DOCK8: variants seen among roughly 807,000 people sequenced by gnomAD.
The protein encoded by DOCK8 is dedicator of cytokinesis protein 8.
Under a neutral mutation model 245.6 loss-of-function variants are expected in DOCK8, and 141 were observed. That is an observed-to-expected ratio of 0.57 (90% CI 0.50 to 0.66). DOCK8 has a LOEUF of 0.66. Among genes scored for constraint, DOCK8 ranks in the 30% least tolerant of loss-of-function variants. DOCK8 has a pLI of 0.00. For missense variants in DOCK8, 2,965 were observed against 2,603.4 expected, an observed-to-expected ratio of 1.14 and a Z score of -3.02; for synonymous variants, 1,168 against 970.2, an observed-to-expected ratio of 1.20 and a Z score of -3.79.
At chr9:229,410 C>T (rs1393828522) in intron 1 of DOCK8, among the ~76,000 whole-genome samples, 1 of 152,146 alleles carries the variant, frequency 6.6e-6, no homozygotes, top group Non-Finnish European at 1.5e-5. Flanking sequence ...ATAGTCCTGC[C>T]TGGAGGCAGG....
chr9:269,465 C>G (rs1009467941), intron 1 of DOCK8, among the ~76,000 whole-genome samples: 2 of 151,178 alleles, frequency 1.3e-5, no homozygotes, highest in Non-Finnish European at 2.9e-5. Flanking sequence ...AGTTGATGGA[C>G]GTTTGGATTT....
intron 1 of DOCK8, among the ~76,000 whole-genome samples, chr9:228,344 A>G (rs1417025351): frequency 6.6e-6 from 1 of 152,194 alleles, no homozygotes; most frequent in Non-Finnish European, 1.5e-5. Context: ...ACCAGCATTA[A>G]GACTTCTAAC....
At chr9:221,856 G>A (rs1192853372) in intron 1 of DOCK8, among the ~76,000 whole-genome samples, 1 of 151,522 alleles carries the variant, frequency 6.6e-6, no homozygotes, top group East Asian at 1.9e-4. Context: ...AACTCTGCAT[G>A]TAAATCAATA....
At position 368,294 on chromosome 9, in the gene DOCK8, A is replaced by C. The variant is rs574040512; in HGVS notation, c.1797+159A>C. 192 of 772,778 alleles carry C rather than the reference A, an allele frequency of 2.5e-4. No homozygotes were observed. The African/African-American group carries it at 3.0e-3, about 12-fold the overall frequency. 47.9% of individuals were successfully genotyped at this position (772,778 alleles called of 1,614,324 possible). A position where few individuals can be genotyped will look rare whatever the true frequency, so the allele number is the denominator to read the frequency against. ...TTCTGTGCCCAGGATATCAGTGGGG[A>C]AACAGGGTCAGTCTTACTTGACGAT... is the stretch of plus-strand genomic sequence containing the variant. On this transcript the variant is annotated intron_variant, in intron 15 of 47. Coordinates refer to ENST00000432829, the MANE Select transcript of DOCK8 (RefSeq NM_203447.4).
At chr9:403,973 T>G (rs1300028807) in intron 26 of DOCK8, among the ~76,000 whole-genome samples, 1 of 91,902 alleles carries the variant, frequency 1.1e-5, no homozygotes, top group African/African-American at 6.7e-5. Flanking sequence ...TATATATATA[T>G]ATGTGTATAT....
intron 18 of DOCK8, among the ~76,000 whole-genome samples, chr9:373,044 G>A (rs1243823436): frequency 6.6e-6 from 1 of 152,198 alleles, no homozygotes; most frequent in Non-Finnish European, 1.5e-5. Context: ...GCGGGTGCCT[G>A]TAATCCCAGC....
intron 1 of DOCK8, among the ~76,000 whole-genome samples, chr9:230,346 T>G: frequency 6.6e-6 from 1 of 152,166 alleles, no homozygotes; most frequent in Non-Finnish European, 1.5e-5. Flanking sequence ...TTGTGAATAG[T>G]GCTGCTATAA....
intron 1 of DOCK8, among the ~76,000 whole-genome samples, chr9:219,065 G>T (rs2046826986): frequency 6.6e-6 from 1 of 152,146 alleles, no homozygotes; most frequent in Non-Finnish European, 1.5e-5. Flanking sequence ...ATACCATGCT[G>T]CCATCTCAGT....
intron 9 of DOCK8, among the ~76,000 whole-genome samples, chr9:330,930 T>G (rs1159932709): frequency 6.6e-6 from 1 of 152,182 alleles, no homozygotes; most frequent in Non-Finnish European, 1.5e-5. Context: ...GCTGGTCTGG[T>G]CAAATCTGAC....
intron 14 of DOCK8, among the ~76,000 whole-genome samples, chr9:366,845 C>G (rs1380122241): frequency 6.6e-6 from 1 of 152,090 alleles, no homozygotes; most frequent in African/African-American, 2.4e-5. Context: ...GGTTGACATG[C>G]CACTGTTAAT....
Position 428,412 on chromosome 9 carries a change from G to C in DOCK8, c.4389G>C (p.Arg1463Ser). 1 of 1,614,158 alleles carries C rather than the reference G, an allele frequency of 6.2e-7. No homozygotes were observed. Among genetic ancestry groups the C allele is most frequent in the African/African-American group, 1.3e-5 (1 of 75,026 alleles). Residue 1463 changes from arginine (R) to serine (S), a missense_variant, in exon 35 of 48, where the codon AGG becomes AGC. Coordinates refer to ENST00000432829, the MANE Select transcript of DOCK8 (RefSeq NM_203447.4). Reference protein sequence around the residue: ...CKDSLLGGVLRVLVNSLNCDQ... With the variant: ...CKDSLLGGVLSVLVNSLNCDQ... ...ACAGCCTGCTGGGAGGTGTTCTGAGGGTGCTGGTGAATTCTCTGAACTGTG... is the reference window on the plus strand; with the variant it reads ...ACAGCCTGCTGGGAGGTGTTCTGAGCGTGCTGGTGAATTCTCTGAACTGTG...
At chr9:424,402 T>C (rs2056403110) in intron 33 of DOCK8, among the ~76,000 whole-genome samples, 1 of 152,012 alleles carries the variant, frequency 6.6e-6, no homozygotes, top group Non-Finnish European at 1.5e-5. Context: ...AGCTTTTCTT[T>C]TCTTTTTTTT....
chr9:460,939 G>C (rs554246748), intron 46 of DOCK8, among the ~76,000 whole-genome samples: 1 of 152,336 alleles, frequency 6.6e-6, no homozygotes, highest in East Asian at 1.9e-4. Context: ...TCATTTGAAG[G>C]ATAATATAGT....
At chr9:213,691 A>G (rs1181487702), upstream of DOCK8, 1 of 151,614 alleles carries the variant, frequency 6.6e-6, no homozygotes, top group Non-Finnish European at 1.5e-5. Context: ...CTATCATATT[A>G]AATAGTGCAG....
chr9:332,524 C>A (rs1404626600), intron 10 of DOCK8, 46 bp downstream of exon 10: 1 of 1,383,314 alleles, frequency 7.2e-7, no homozygotes, highest in Non-Finnish European at 1.0e-6. Context: ...TTAGAAGAAG[C>A]AGGTATTTTC....
intron 10 of DOCK8, among the ~76,000 whole-genome samples, chr9:333,334 G>T (rs553581057): frequency 5.9e-4 from 90 of 152,364 alleles, no homozygotes; most frequent in African/African-American, 2.1e-3. Flanking sequence ...GGGCGTGGTG[G>T]CTCACACCTG....
At chr9:336,557 G>A in intron 11 of DOCK8, 25 bp from the exon 12 acceptor site, 1 of 1,613,928 alleles carries the variant, frequency 6.2e-7, no homozygotes, top group Non-Finnish European at 8.5e-7. Flanking sequence ...GGCATACTTT[G>A]GAGTGACAAT....
intron 14 of DOCK8, among the ~76,000 whole-genome samples, chr9:346,134 G>A: frequency 6.6e-6 from 1 of 151,964 alleles, no homozygotes; most frequent in East Asian, 1.9e-4. Context: ...CAGAAGGACA[G>A]CAATTCTGAA....
chr9:236,433 A>G (rs758279036), intron 1 of DOCK8, among the ~76,000 whole-genome samples: 3 of 152,316 alleles, frequency 2.0e-5, no homozygotes, highest in Non-Finnish European at 2.9e-5. Flanking sequence ...CAACAAAACT[A>G]GGGTTGAGTT....
Sources: allele counts gnomAD v4.1 joint callset (sites outside exome capture counted in the v4.1 genomes callset), GRCh38; gene constraint gnomAD v4.1.1; transcripts MANE v1.5; gene names NCBI Gene and HGNC (gene_info 2026-07-23, HGNC 2026-07-21).